The following ERI1 variants were observed in gnomAD, a reference collection of about 807,000 sequenced individuals.
The protein encoded by ERI1 is exoribonuclease 1, also known as 3'-5' exoribonuclease 1.
ERI1 carries 39 observed loss-of-function variants against 39.7 expected under a neutral mutation model. That is an observed-to-expected ratio of 0.98 (90% CI 0.76 to 1.28). ERI1 has a LOEUF of 1.28. Ranked by LOEUF, ERI1 falls within the 50% of genes most tolerant of loss-of-function variation. The probability of loss-of-function intolerance (pLI) is 0.00; values close to 1 mark genes in which losing one functional copy is unlikely to be tolerated. For missense variants in ERI1, 581 were observed against 416.9 expected (o/e 1.39, Z -3.43); for synonymous variants, 204 against 149.6 (o/e 1.36, Z -2.65).
chr8:9,071,508 C>G (rs1459636496), intron 3 of ERI1, among the ~76,000 whole-genome samples: 1 of 152,160 alleles, frequency 6.6e-6, no homozygotes, highest in Non-Finnish European at 1.5e-5. Flanking sequence ...AAATGATGTC[C>G]TAATTACGAA....
intron 6 of ERI1, among the ~76,000 whole-genome samples, chr8:9,024,253 CAATATA>C (rs1408002152): frequency 6.6e-6 from 1 of 152,004 alleles, no homozygotes; most frequent in African/African-American, 2.4e-5. Context: ...TAGGCTGAAA[CAATATA>C]AATAAAAATA....
intron 3 of ERI1, among the ~76,000 whole-genome samples, chr8:9,068,261 G>A (rs562793419): frequency 2.6e-5 from 4 of 152,192 alleles, no homozygotes; most frequent in Admixed American, 6.5e-5. Context: ...ACCTTCCCTC[G>A]CACCTCATGT....
At chr8:9,078,917 G>A (rs1469871321) in intron 3 of ERI1, among the ~76,000 whole-genome samples, 1 of 152,142 alleles carries the variant, frequency 6.6e-6, no homozygotes, top group African/African-American at 2.4e-5. Flanking sequence ...TCAGAGGAGA[G>A]AATCGCTACT....
Position 9,048,324 on chromosome 8 carries a change from A to G in ERI1, n.299+27860A>G, listed in dbSNP as rs1032705159. ...CTGCATTAGGGAAGCAGTGATGAGA[A>G]TTCAATAATTCGAATTACATGTCAG... On this transcript the variant is annotated intron_variant and non_coding_transcript_variant, in intron 3 of 3. Transcript: ENST00000518663. The G allele has an allele frequency of 4.5e-5, 7 of 154,494 alleles. No homozygotes were observed. The East Asian group carries it at 1.2e-3, about 26-fold the overall frequency. 9.6% of individuals were successfully genotyped at this position (154,494 alleles called of 1,614,324 possible). A position where few individuals can be genotyped will look rare whatever the true frequency, so the allele number is the denominator to read the frequency against.
chr8:9,065,288 G>A (rs183548390), intron 3 of ERI1, among the ~76,000 whole-genome samples: 11 of 152,230 alleles, frequency 7.2e-5, no homozygotes, highest in Admixed American at 3.9e-4. Flanking sequence ...TTCTTTCTAC[G>A]AGGTTTCTTT....
chr8:9,082,738 C>A (rs1799407255), intron 3 of ERI1, among the ~76,000 whole-genome samples: 1 of 152,152 alleles, frequency 6.6e-6, no homozygotes. Context: ...GACAGAAAGT[C>A]CACCCTTGAA....
intron 3 of ERI1, among the ~76,000 whole-genome samples, chr8:9,055,857 T>C (rs1183328829): frequency 2.0e-5 from 3 of 152,138 alleles, no homozygotes; most frequent in African/African-American, 7.2e-5. Flanking sequence ...TTTTAAGCTT[T>C]ATAGCTAGCT....
chr8:9,058,840 G>GATAAATAA (rs58770201), intron 3 of ERI1, among the ~76,000 whole-genome samples: 4,312 of 151,336 alleles, frequency 0.028, 103 homozygotes, highest in South Asian at 0.092. Flanking sequence ...CAACTTCATT[G>GATAAATAA]ATAAATAAAT....
At chr8:9,041,534 A>G (rs982422519) in intron 3 of ERI1, among the ~76,000 whole-genome samples, 11 of 152,248 alleles carry the variant, frequency 7.2e-5, no homozygotes, top group Non-Finnish European at 1.5e-5. Context: ...AACAAGGAAC[A>G]TTCAAAACTA....
At chr8:9,053,383 G>T (rs1164053844) in intron 3 of ERI1, among the ~76,000 whole-genome samples, 1 of 152,148 alleles carries the variant, frequency 6.6e-6, no homozygotes, top group Non-Finnish European at 1.5e-5. Context: ...TGAGCAACAA[G>T]CTTCCAGGAG....
Position 9,029,941 on chromosome 8 carries a change from C to T in ERI1, c.957C>T (p.Asn319=), listed in dbSNP as rs201877141. Residue 319 remains asparagine (N), a synonymous_variant, in exon 7 of 7, where the codon AAC becomes AAT. Transcript: ENST00000250263. ...MLQDGCELRI[N]EKMHAGQLMS... is the part of the protein sequence containing the mutation. ...AGGATGGGTGTGAACTCCGAATCAACGAGAAAATGCATGCAGGACAGCTAA... is the reference window on the plus strand; with the variant it reads ...AGGATGGGTGTGAACTCCGAATCAATGAGAAAATGCATGCAGGACAGCTAA... 8.7e-6 allele frequency: 14 copies of T among 1,614,000 alleles called. No homozygotes were observed. Among genetic ancestry groups the T allele is most frequent in the East Asian group, 2.2e-5 (1 of 44,878 alleles).
intron 3 of ERI1, among the ~76,000 whole-genome samples, chr8:9,087,083 G>A (rs1235553521): frequency 6.6e-6 from 1 of 151,698 alleles, no homozygotes; most frequent in Non-Finnish European, 1.5e-5. Flanking sequence ...TGCAGAATGT[G>A]CAGGTTTGTT....
At chr8:9,042,203 G>A (rs1364368945) in intron 3 of ERI1, among the ~76,000 whole-genome samples, 1 of 152,274 alleles carries the variant, frequency 6.6e-6, no homozygotes, top group South Asian at 2.1e-4. Flanking sequence ...GGAACTTGGA[G>A]GCTGCATTGC....
chr8:9,028,266 C>G (rs151102119), intron 6 of ERI1, among the ~76,000 whole-genome samples: 1 of 152,070 alleles, frequency 6.6e-6, no homozygotes, highest in Admixed American at 6.6e-5. Context: ...AGGTCTATTC[C>G]GATTTTCTGT....
chr8:9,081,151 C>G (rs921606902), intron 3 of ERI1, among the ~76,000 whole-genome samples: 5 of 152,156 alleles, frequency 3.3e-5, no homozygotes, highest in Non-Finnish European at 7.3e-5. Flanking sequence ...CTCTTGAGAA[C>G]CCACTTACTA....
At chr8:9,067,609 C>T (rs371040489) in intron 3 of ERI1, among the ~76,000 whole-genome samples, 116 of 149,636 alleles carry the variant, frequency 7.8e-4, no homozygotes, top group South Asian at 3.8e-3. Context: ...GAGCCAAGAT[C>T]GCACCACTGC....
intron 3 of ERI1, among the ~76,000 whole-genome samples, chr8:9,063,380 G>T (rs1310699031): frequency 3.9e-5 from 6 of 152,132 alleles, no homozygotes; most frequent in Non-Finnish European, 7.4e-5. Context: ...TTTTTAAGAG[G>T]AAATTGCTGG....
chr8:9,061,627 C>A (rs148746927), intron 3 of ERI1, among the ~76,000 whole-genome samples: 27 of 152,294 alleles, frequency 1.8e-4, no homozygotes, highest in African/African-American at 5.8e-4. Context: ...ATTCTGACCG[C>A]ACTAACCATG....
rs546201380 is a variant in ERI1 at position 9,074,454 on chromosome 8, A to G, written n.300-41894A>G. ...TTTTTAAATTTAAATTTAAGTTTTTATTTTTGAGACAAGGTCTTGCTCTGT... is the reference window on the plus strand; with the variant it reads ...TTTTTAAATTTAAATTTAAGTTTTTGTTTTTGAGACAAGGTCTTGCTCTGT... On this transcript the variant is annotated intron_variant and non_coding_transcript_variant, in intron 3 of 3. Transcript: ENST00000518663. 6.5e-4 allele frequency among the ~76,000 whole-genome samples: 99 copies of G among 151,484 alleles called. No individual in the cohort carries two copies. In the South Asian group the frequency reaches 0.02, roughly 31 times the overall value.
Sources: gnomAD v4.1 joint callset for allele counts (sites outside exome capture counted in the v4.1 genomes callset) on GRCh38, gnomAD v4.1.1 for gene constraint, MANE v1.5 for transcripts, NCBI Gene and HGNC (gene_info 2026-07-23, HGNC 2026-07-21) for gene names.